The following HMGCS2 variants were observed in gnomAD, a reference collection of about 807,000 sequenced individuals.
HMGCS2 encodes 3-hydroxy-3-methylglutaryl-CoA synthase 2.
HMGCS2 carries 50 observed loss-of-function variants against 57.4 expected under a neutral mutation model. That is an observed-to-expected ratio of 0.87 (90% CI 0.69 to 1.10). The LOEUF is 1.10. Among genes scored for constraint, HMGCS2 ranks in the 50% least tolerant of loss-of-function variants. The pLI, the probability that HMGCS2 is intolerant of heterozygous loss-of-function variation, is 0.00. For synonymous variants in HMGCS2, 254 were observed against 245.1 expected, an observed-to-expected ratio of 1.04 and a Z score of -0.34; for missense variants, 627 against 636.5, an observed-to-expected ratio of 0.99 and a Z score of 0.16.
At chr1:119,749,458 C>G (rs755442741) in intron 9 of HMGCS2, among the ~76,000 whole-genome samples, 4 of 149,916 alleles carry the variant, frequency 2.7e-5, no homozygotes, top group Non-Finnish European at 4.4e-5. Flanking sequence ...CATTTAACAG[C>G]CCCTCTTTGC....
At chr1:119,749,351 C>T (rs957976588) in intron 9 of HMGCS2, among the ~76,000 whole-genome samples, 1 of 151,660 alleles carries the variant, frequency 6.6e-6, no homozygotes, top group Admixed American at 6.6e-5. Context: ...TTCTCTCTCC[C>T]CCTCCCGCTG....
intron 8 of HMGCS2, 56 bp from the exon 9 acceptor site, chr1:119,750,964 G>A (rs1468648980): frequency 1.9e-6 from 2 of 1,073,036 alleles, no homozygotes; most frequent in Non-Finnish European, 2.9e-6. Flanking sequence ...GTTTTTGGAA[G>A]AGAAAATAGT....
chr1:119,765,892 G>A (rs1227037732), intron 1 of HMGCS2, among the ~76,000 whole-genome samples: 1 of 152,198 alleles, frequency 6.6e-6, no homozygotes, highest in African/African-American at 2.4e-5. Context: ...CAAATACACA[G>A]CAGTGAATAA....
intron 2 of HMGCS2, among the ~76,000 whole-genome samples, chr1:119,760,768 G>C (rs1653010050): frequency 6.6e-6 from 1 of 152,106 alleles, no homozygotes; most frequent in Non-Finnish European, 1.5e-5. Context: ...TCTGACCTGT[G>C]AGGAAGCTCC....
chr1:119,756,808 G>A (rs958736347), intron 5 of HMGCS2, among the ~76,000 whole-genome samples: 1 of 152,194 alleles, frequency 6.6e-6, no homozygotes, highest in African/African-American at 2.4e-5. Flanking sequence ...CTACCCTGTA[G>A]TGTGATCATT....
At chr1:119,764,133 C>T (rs1327252951) in intron 2 of HMGCS2, 39 bp downstream of exon 2, 2 of 1,589,652 alleles carry the variant, frequency 1.3e-6, no homozygotes, top group African/African-American at 2.7e-5. Flanking sequence ...GCCTCCAATT[C>T]CAGCACCTTT....
At chr1:119,750,728 C>A in intron 9 of HMGCS2, 69 bp downstream of exon 9, 1 of 973,656 alleles carries the variant, frequency 1.0e-6, no homozygotes, top group Non-Finnish European at 1.7e-6. Flanking sequence ...CCCACCTTCT[C>A]TCTCTGTGTT....
chr1:119,750,986 C>G (rs1278177303), intron 8 of HMGCS2, 78 bp from the exon 9 acceptor site: 1 of 873,724 alleles, frequency 1.1e-6, no homozygotes. Flanking sequence ...ATGAAGATGT[C>G]TGCCCCTTCA....
At chr1:119,757,245 C>T (rs1429286994) in intron 5 of HMGCS2, 28 bp downstream of exon 5, 2 of 1,613,776 alleles carry the variant, frequency 1.2e-6, no homozygotes, top group Non-Finnish European at 8.5e-7. Context: ...CCTCACCAGC[C>T]TCTAGGCTCC....
chr1:119,759,806 A>C (rs1249830348), intron 3 of HMGCS2, 58 bp downstream of exon 3: 2 of 1,605,396 alleles, frequency 1.2e-6, no homozygotes, highest in Non-Finnish European at 1.7e-6. Flanking sequence ...ATGTGGGATT[A>C]GGATCTATGT....
At chr1:119,763,833 G>A (rs767719237) in intron 2 of HMGCS2, among the ~76,000 whole-genome samples, 2 of 152,106 alleles carry the variant, frequency 1.3e-5, no homozygotes, top group Non-Finnish European at 2.9e-5. Flanking sequence ...AAACAGGTAC[G>A]GTAAAATAGG....
rs755313968 is a variant in HMGCS2 at position 119,757,348 on chromosome 1, C to A, written c.941G>T (p.Arg314Leu). 7 of 1,614,126 alleles carry A rather than the reference C, an allele frequency of 4.3e-6. No homozygotes were observed. The highest frequency in any genetic ancestry group is 1.7e-5 in the Admixed American group (1 of 60,012). The change falls in exon 5 of 10, where the codon CGC (arginine) becomes CTC (leucine). Residue 314 changes from arginine (R) to leucine (L), a missense_variant. Physicochemically the swap from Arg to Leu is moderately radical, Grantham distance 102 (BLOSUM62 -2). Transcript: ENST00000369406. ...FCKMVQKSLA[R>L]LMFNDFLSAS... ...TGACAGGAAGTCATTGAACATCAGG[C>A]GAGCCAGAGACTTCTGGACCATCTT...
intron 1 of HMGCS2, among the ~76,000 whole-genome samples, chr1:119,765,888 C>T (rs772103260): frequency 6.6e-6 from 1 of 152,306 alleles, no homozygotes; most frequent in Admixed American, 6.5e-5. Flanking sequence ...AGTCCAAATA[C>T]ACAGCAGTGA....
At chr1:119,764,983 T>A (rs1269106071) in intron 1 of HMGCS2, among the ~76,000 whole-genome samples, 15 of 152,376 alleles carry the variant, frequency 9.8e-5, no homozygotes, top group African/African-American at 3.6e-4. Flanking sequence ...ATATATATTT[T>A]AGTCCTTTAA....
chr1:119,751,789 T>C (rs1024349465), intron 8 of HMGCS2, among the ~76,000 whole-genome samples: 4 of 152,212 alleles, frequency 2.6e-5, no homozygotes, highest in Admixed American at 2.0e-4. Context: ...GTCTAGGTTT[T>C]CTGGAACATT....
At chr1:119,755,674 T>A (rs753270211) in intron 5 of HMGCS2, 77 bp from the exon 6 acceptor site, 1 of 1,349,730 alleles carries the variant, frequency 7.4e-7, no homozygotes, top group South Asian at 1.2e-5. Context: ...AGTAACAGCT[T>A]CTGGAGAGGA....
chr1:119,750,343 C>T (rs587665584), intron 9 of HMGCS2, among the ~76,000 whole-genome samples: 24 of 152,366 alleles, frequency 1.6e-4, no homozygotes, highest in Admixed American at 1.6e-3. Context: ...TTCAGGTTCA[C>T]AGCCTGTTCA....
Position 119,752,627 on chromosome 1 carries a change from G to A in HMGCS2, c.1342C>T (p.Arg448Cys), listed in dbSNP as rs61729865. 8.7e-6 allele frequency: 14 copies of A among 1,613,962 alleles called. No individual in the cohort carries two copies. Among genetic ancestry groups the A allele is most frequent in the East Asian group, 6.7e-5 (3 of 44,896 alleles). Residue 448 changes from arginine to cysteine, a missense_variant, in exon 8 of 10, where the codon CGC becomes TGC. Arg to Cys is a radical substitution (Grantham distance 180, BLOSUM62 -3). Transcript: ENST00000369406. ...GACACACACTTTCGGGAGGCTAGGC[G>A]TTTTGGCAGGTCTGATGTGCTGGAC... ...LVSSTSDLPK[R>C]LASRKCVSPE...
In HMGCS2 at chr1:119,753,178, G is replaced by T. The variant is rs113116115; in HGVS notation, c.1294+102C>A. 7.9e-5 allele frequency: 60 copies of T among 756,052 alleles called. No homozygotes were observed. In the East Asian group the frequency reaches 1.3e-3, roughly 16 times the overall value. The allele number at this position is 756,052 out of a possible 1,614,324, so 46.8% of individuals were successfully genotyped here. A position where few individuals can be genotyped will look rare whatever the true frequency, so the allele number is the denominator to read the frequency against. On this transcript the variant is annotated intron_variant, in intron 7 of 9. Transcript: ENST00000369406. The stretch of plus-strand genomic sequence containing the variant: ...GATTTACTTTGCTATTAATAATAAC[G>T]TAACTCTGTCAAGATGGCAGCCTCA...
Sources: allele counts gnomAD v4.1 joint callset (sites outside exome capture counted in the v4.1 genomes callset), GRCh38; gene constraint gnomAD v4.1.1; transcripts MANE v1.5; gene names NCBI Gene and HGNC (gene_info 2026-07-23, HGNC 2026-07-21).